The following SBF2 variants were observed in gnomAD, a reference collection of about 807,000 sequenced individuals.
SBF2 encodes SET binding factor 2.
Under a neutral mutation model 225.2 loss-of-function variants are expected in SBF2, and 112 were observed. The observed-to-expected ratio is 0.50, with a 90% CI of 0.43 to 0.58. SBF2 has a LOEUF of 0.58. Among genes scored for constraint, SBF2 ranks in the 20% least tolerant of loss-of-function variants. The pLI is 0.00. For missense variants in SBF2, 1,996 were observed against 2,206.2 expected, an observed-to-expected ratio of 0.90 and a Z score of 1.91; for synonymous variants, 763 against 773.3, an observed-to-expected ratio of 0.99 and a Z score of 0.22.
chr11:9,903,649 G>A (rs1861901748), intron 16 of SBF2, among the ~76,000 whole-genome samples: 1 of 152,198 alleles, frequency 6.6e-6, no homozygotes, highest in South Asian at 2.1e-4. Flanking sequence ...AAGCGGGCAC[G>A]TGAAGGTCAA....
At chr11:9,796,152 C>T (rs111989317) in intron 32 of SBF2, among the ~76,000 whole-genome samples, 195 bp from the exon 33 acceptor site, 56 of 149,640 alleles carry the variant, frequency 3.7e-4, no homozygotes, top group African/African-American at 8.1e-4. Flanking sequence ...AGACACCAGA[C>T]GAGGGTTTTT....
Position 9,832,264 on chromosome 11 carries a change from T to C in SBF2, c.3612A>G (p.Gly1204=). The stretch of plus-strand genomic sequence containing the variant: ...TCTGAGATTTGAAAAGACCAACGAC[T>C]CCCTTCCCATGGAATCCTCCAGATC... ...LLRSGGFHGK[G]VVGLFKSQNS... The change falls in exon 27 of 40, where the codon GGA becomes GGG. Residue 1204 remains glycine (G), a synonymous_variant. Coordinates refer to ENST00000256190, the MANE Select transcript of SBF2 (RefSeq NM_030962.4). 6.2e-7 allele frequency: 1 copy of C among 1,614,142 alleles called. No homozygotes were observed. Among genetic ancestry groups the C allele is most frequent in the Non-Finnish European group, 8.5e-7 (1 of 1,180,018 alleles).
At chr11:9,919,887 ATGCCCGGCTAATTT>A (rs1369960210) in intron 16 of SBF2, among the ~76,000 whole-genome samples, 8 of 151,944 alleles carry the variant, frequency 5.3e-5, no homozygotes. Context: ...ATGTGCCACC[ATGCCCGGCTAATTT>A]TGTATTTTTA....
chr11:9,781,674 C>T (rs1298176762), intron 38 of SBF2, 36 bp from the exon 39 acceptor site: 1 of 1,613,674 alleles, frequency 6.2e-7, no homozygotes, highest in South Asian at 1.1e-5. Context: ...ATATAAGAGA[C>T]AGAAAGAGAA....
At chr11:10,022,332 T>G (rs1050046678) in intron 6 of SBF2, among the ~76,000 whole-genome samples, 11 of 152,170 alleles carry the variant, frequency 7.2e-5, no homozygotes, top group African/African-American at 2.7e-4. Flanking sequence ...CCTACCTGTA[T>G]GTAGACTTTT....
At chr11:10,064,415 A>G (rs1262692302) in intron 2 of SBF2, among the ~76,000 whole-genome samples, 1 of 152,204 alleles carries the variant, frequency 6.6e-6, no homozygotes, top group Non-Finnish European at 1.5e-5. Flanking sequence ...ATAAAGGGTA[A>G]AAAGGACCAA....
chr11:9,839,697 C>T lies in SBF2; in HGVS notation c.3257-1G>A, dbSNP rs746642259. ...GTGGGGAGCTCACTCTCATCTGAAA[C>T]TGTGATGGTAGAGACAGATATCGAA... On this transcript the variant is annotated splice_acceptor_variant, in intron 25 of 39. Transcript: ENST00000256190. LOFTEE classifies it high-confidence loss of function. 1.1e-5 allele frequency: 18 copies of T among 1,611,454 alleles called. No homozygotes were observed. The highest frequency in any genetic ancestry group is 1.5e-5 in the Non-Finnish European group (18 of 1,178,746).
chr11:10,282,253 C>T (rs1963460359), intron 1 of SBF2, among the ~76,000 whole-genome samples: 1 of 152,148 alleles, frequency 6.6e-6, no homozygotes, highest in Admixed American at 6.5e-5. Context: ...TCTGACTACT[C>T]CTATTTAGTT....
chr11:9,944,710 A>G (rs915757794), intron 16 of SBF2, among the ~76,000 whole-genome samples: 1 of 152,258 alleles, frequency 6.6e-6, no homozygotes, highest in African/African-American at 2.4e-5. Context: ...CGAAGAATCA[A>G]TACCATTAAA....
At chr11:9,945,986 G>C (rs1327197779) in intron 16 of SBF2, among the ~76,000 whole-genome samples, 3 of 152,146 alleles carry the variant, frequency 2.0e-5, no homozygotes, top group African/African-American at 7.2e-5. Context: ...TTGCTGGTGG[G>C]AATGTAAATT....
At chr11:10,127,715 C>T (rs1328263908) in intron 2 of SBF2, among the ~76,000 whole-genome samples, 3 of 152,040 alleles carry the variant, frequency 2.0e-5, no homozygotes, top group African/African-American at 7.2e-5. Context: ...ACCGAAAGCA[C>T]CTTAAGAGAT....
chr11:9,853,845 C>T (rs1308453867), intron 19 of SBF2, 133 bp from the exon 20 acceptor site: 4 of 838,138 alleles, frequency 4.8e-6, no homozygotes, highest in Non-Finnish European at 8.2e-6. Context: ...TCACTTAACT[C>T]CATGGCTCCT....
chr11:10,112,799 T>C (rs1378196751), intron 2 of SBF2, among the ~76,000 whole-genome samples: 1 of 152,112 alleles, frequency 6.6e-6, no homozygotes, highest in Admixed American at 6.6e-5. Context: ...AGAATGTTCC[T>C]TATTAAAAGG....
intron 13 of SBF2, among the ~76,000 whole-genome samples, chr11:9,977,887 G>A (rs12283105): frequency 0.051 from 7,816 of 152,200 alleles, 449 homozygotes; most frequent in East Asian, 0.18. Flanking sequence ...AAGGAGTGGT[G>A]AGAAGAGACA....
chr11:9,914,150 C>A (rs1862879455), intron 16 of SBF2, among the ~76,000 whole-genome samples: 1 of 152,088 alleles, frequency 6.6e-6, no homozygotes, highest in African/African-American at 2.4e-5. Flanking sequence ...AATTATCAGA[C>A]CAGGAATTTA....
chr11:10,163,024 C>T (rs951240918), intron 2 of SBF2, among the ~76,000 whole-genome samples: 3 of 151,934 alleles, frequency 2.0e-5, no homozygotes, highest in East Asian at 1.9e-4. Context: ...GTATGAGGGT[C>T]GAAGACAGCA....
chr11:10,294,345 A>G (rs2133635079), upstream of SBF2: 3 of 327,806 alleles, frequency 9.2e-6, no homozygotes, highest in East Asian at 4.7e-5. Flanking sequence ...GCGCTGGGGG[A>G]GTGGGCGGTC....
At chr11:9,947,213 A>C (rs1255508945) in intron 16 of SBF2, among the ~76,000 whole-genome samples, 1 of 152,256 alleles carries the variant, frequency 6.6e-6, no homozygotes, top group East Asian at 1.9e-4. Flanking sequence ...AGTTCAAATA[A>C]GAACAATGGG....
chr11:10,178,240 C>A (rs1956558527), intron 2 of SBF2, among the ~76,000 whole-genome samples: 1 of 150,386 alleles, frequency 6.6e-6, no homozygotes, highest in Admixed American at 6.7e-5. Context: ...CATAAAAACC[C>A]TAGAAGAAAA....
Sources: allele counts gnomAD v4.1 joint callset (sites outside exome capture counted in the v4.1 genomes callset), GRCh38; gene constraint gnomAD v4.1.1; transcripts MANE v1.5; gene names NCBI Gene and HGNC (gene_info 2026-07-23, HGNC 2026-07-21).